Variants in MAST4 observed in about 807,000 individuals in gnomAD.
MAST4 encodes the protein microtubule associated serine/threonine kinase family member 4, also known as microtubule-associated serine/threonine-protein kinase 4.
A neutral mutation model predicts 162.7 loss-of-function variants in MAST4; 89 were observed. The ratio of observed to expected loss-of-function variants is 0.55; its 90% CI spans 0.46 to 0.65. The LOEUF (loss-of-function observed/expected upper bound fraction) is 0.65, where lower values mean the gene tolerates loss of function less well. Ranked by LOEUF, MAST4 falls within the 30% of genes least tolerant of loss-of-function variation. The pLI is 0.00. For synonymous variants in MAST4, 1,479 were observed against 1,361.1 expected (o/e 1.09, Z -1.91); for missense variants, 3,153 against 3,374.0 (o/e 0.93, Z 1.62).
chr5:67,020,242 A>C (rs1200903599), intron 4 of MAST4, among the ~76,000 whole-genome samples: 1 of 152,188 alleles, frequency 6.6e-6, no homozygotes, highest in African/African-American at 2.4e-5. Flanking sequence ...CCTCTTTTAA[A>C]GTAGTTATGG....
chr5:66,764,587 G>A (rs996346613), intron 2 of MAST4, among the ~76,000 whole-genome samples: 10 of 151,914 alleles, frequency 6.6e-5, no homozygotes, highest in African/African-American at 2.4e-4. Context: ...CTCTGCATAG[G>A]CCTAGGCTAA....
intron 5 of MAST4, among the ~76,000 whole-genome samples, chr5:67,068,538 C>T (rs777811501): frequency 4.6e-5 from 7 of 152,088 alleles, no homozygotes; most frequent in Non-Finnish European, 1.0e-4. Context: ...TGGGTCCCTC[C>T]CACAACATGT....
At chr5:66,665,469 A>G (rs570416081) in intron 1 of MAST4, among the ~76,000 whole-genome samples, 2 of 152,358 alleles carry the variant, frequency 1.3e-5, no homozygotes, top group African/African-American at 2.4e-5. Context: ...GTTTCTTAGC[A>G]GAGAACTATT....
chr5:67,090,680 G>A (rs981735425), intron 6 of MAST4, among the ~76,000 whole-genome samples: 1 of 151,200 alleles, frequency 6.6e-6, no homozygotes, highest in Non-Finnish European at 1.5e-5. Flanking sequence ...TATCATGTTT[G>A]CAATTGGGCA....
chr5:67,123,777 G>A (rs758362241), intron 14 of MAST4, among the ~76,000 whole-genome samples: 8 of 152,136 alleles, frequency 5.3e-5, no homozygotes, highest in Non-Finnish European at 7.4e-5. Context: ...TTTGAAAGGC[G>A]CACCATTTCT....
At chr5:66,771,955 G>T (rs914737422) in intron 2 of MAST4, among the ~76,000 whole-genome samples, 3 of 152,180 alleles carry the variant, frequency 2.0e-5, no homozygotes, top group Non-Finnish European at 2.9e-5. Context: ...GCTCTTTTAG[G>T]TTCTGAAAAG....
chr5:66,954,232 T>C (rs779285338), intron 4 of MAST4, among the ~76,000 whole-genome samples: 4 of 152,208 alleles, frequency 2.6e-5, no homozygotes, highest in Non-Finnish European at 4.4e-5. Context: ...ATACAGCTAG[T>C]CCATGATGTA....
At chr5:66,806,710 A>T (rs1756205723) in intron 3 of MAST4, among the ~76,000 whole-genome samples, 1 of 152,236 alleles carries the variant, frequency 6.6e-6, no homozygotes, top group South Asian at 2.1e-4. Context: ...ATCATGCATA[A>T]TATACAACCA....
At chr5:66,733,296 C>T (rs548525548) in intron 1 of MAST4, among the ~76,000 whole-genome samples, 15 of 151,998 alleles carry the variant, frequency 9.9e-5, no homozygotes, top group Non-Finnish European at 1.6e-4. Flanking sequence ...TAACTTTCTC[C>T]GTTTCCCCTC....
chr5:66,605,094 G>C lies in MAST4; in HGVS notation c.363+8076G>C, dbSNP rs148491810. The stretch of plus-strand genomic sequence containing the variant: ...TATGAAATAAATTAGTTCCCTATAA[G>C]CATATCTACCTCCTACATAAGACAA... On this transcript the variant is annotated intron_variant, in intron 1 of 28. Coordinates refer to ENST00000403625, the MANE Select transcript of MAST4 (RefSeq NM_001164664.2). 4.2e-3 allele frequency among the ~76,000 whole-genome samples: 641 copies of C among 152,276 alleles called. 16 individuals carry two copies. In the South Asian group the frequency reaches 0.062, roughly 15 times the overall value.
intron 4 of MAST4, among the ~76,000 whole-genome samples, chr5:67,042,268 A>G (rs1256645497): frequency 6.6e-6 from 1 of 152,096 alleles, no homozygotes; most frequent in Non-Finnish European, 1.5e-5. Flanking sequence ...TGTCTTCCAG[A>G]CCTAAAATTC....
intron 1 of MAST4, among the ~76,000 whole-genome samples, chr5:66,747,726 G>A (rs540327935): frequency 2.0e-5 from 3 of 152,100 alleles, no homozygotes; most frequent in East Asian, 1.9e-4. Flanking sequence ...AGTGTAGGGC[G>A]GGGGTTCTCA....
At chr5:66,763,611 A>T (rs1466633167) in intron 2 of MAST4, among the ~76,000 whole-genome samples, 2 of 152,208 alleles carry the variant, frequency 1.3e-5, no homozygotes, top group African/African-American at 2.4e-5. Context: ...ATTATAAAAA[A>T]TATGTTTTAA....
intron 4 of MAST4, among the ~76,000 whole-genome samples, chr5:66,978,842 G>A (rs568002775): frequency 6.6e-6 from 1 of 152,272 alleles, no homozygotes; most frequent in African/African-American, 2.4e-5. Flanking sequence ...TTTTTTCGGT[G>A]TAGGACATGT....
chr5:67,034,051 G>A (rs909471377), intron 4 of MAST4, among the ~76,000 whole-genome samples: 8 of 152,088 alleles, frequency 5.3e-5, no homozygotes, highest in African/African-American at 1.9e-4. Context: ...AAACCAGTCG[G>A]CCGGTGACTT....
At chr5:66,937,096 G>C (rs546239007) in intron 4 of MAST4, among the ~76,000 whole-genome samples, 1 of 152,312 alleles carries the variant, frequency 6.6e-6, no homozygotes, top group East Asian at 1.9e-4. Context: ...GAAATACAGA[G>C]AGGTACTCAT....
At chr5:67,127,862 T>C (rs976197752) in intron 14 of MAST4, among the ~76,000 whole-genome samples, 1 of 152,220 alleles carries the variant, frequency 6.6e-6, no homozygotes, top group Admixed American at 6.5e-5. Flanking sequence ...TTTAAAAAGA[T>C]ATGTATTTTA....
intron 6 of MAST4, among the ~76,000 whole-genome samples, chr5:67,093,110 C>T (rs1001710860): frequency 1.3e-5 from 2 of 152,094 alleles, no homozygotes; most frequent in African/African-American, 4.8e-5. Context: ...TTCATTCTTT[C>T]TTTGTTGTAT....
intron 1 of MAST4, among the ~76,000 whole-genome samples, chr5:66,614,827 G>A (rs1453177275): frequency 2.0e-5 from 3 of 152,118 alleles, no homozygotes; most frequent in Non-Finnish European, 4.4e-5. Context: ...GTTCCCTCGT[G>A]TTGGGAGGTG....
Sources: allele counts gnomAD v4.1 joint callset (sites outside exome capture counted in the v4.1 genomes callset), GRCh38; gene constraint gnomAD v4.1.1; transcripts MANE v1.5; gene names NCBI Gene and HGNC (gene_info 2026-07-23, HGNC 2026-07-21).